PRTG: variants seen among roughly 807,000 people sequenced by gnomAD.
The protein encoded by PRTG is protogenin.
In PRTG, 67 loss-of-function variants were observed where a neutral mutation model predicts 122.5. The observed-to-expected ratio is 0.55, with a 90% CI of 0.45 to 0.67. The LOEUF (loss-of-function observed/expected upper bound fraction) is 0.67, where lower values mean the gene tolerates loss of function less well. Among genes scored for constraint, PRTG ranks in the 30% least tolerant of loss-of-function variants. The pLI is 0.00. For synonymous variants in PRTG, 554 were observed against 501.1 expected, an observed-to-expected ratio of 1.11 and a Z score of -1.41; for missense variants, 1,435 against 1,415.4, an observed-to-expected ratio of 1.01 and a Z score of -0.22.
intron 15 of PRTG, among the ~76,000 whole-genome samples, chr15:55,636,096 G>A (rs971710111): frequency 6.6e-6 from 1 of 151,214 alleles, no homozygotes; most frequent in Admixed American, 6.6e-5. Flanking sequence ...TACTCAGGAG[G>A]CTGAGATTCT....
intron 2 of PRTG, among the ~76,000 whole-genome samples, chr15:55,723,534 A>C (rs1021945168): frequency 4.6e-5 from 7 of 152,094 alleles, no homozygotes; most frequent in African/African-American, 7.2e-5. Flanking sequence ...ATAATGGCTG[A>C]AAATTTTCTG....
chr15:55,642,579 C>CA (rs2059298161), intron 11 of PRTG, among the ~76,000 whole-genome samples: 1 of 106,068 alleles, frequency 9.4e-6, no homozygotes, highest in Non-Finnish European at 1.8e-5. Context: ...GCCTGGGTAA[C>CA]AGAGCAAAAC....
At chr15:55,664,605 CA>C (rs2059428346) in intron 11 of PRTG, among the ~76,000 whole-genome samples, 2 of 151,956 alleles carry the variant, frequency 1.3e-5, no homozygotes, top group Admixed American at 1.3e-4. Flanking sequence ...GTTTTTGAGA[CA>C]GGGTCTCACA....
intron 11 of PRTG, among the ~76,000 whole-genome samples, chr15:55,644,008 G>A (rs1307161726): frequency 2.0e-5 from 3 of 151,878 alleles, no homozygotes; most frequent in Non-Finnish European, 4.4e-5. Context: ...GGGACTGCAG[G>A]CACACACCAC....
chr15:55,690,019 A>G (rs913189550), intron 2 of PRTG, among the ~76,000 whole-genome samples: 1 of 152,194 alleles, frequency 6.6e-6, no homozygotes, highest in African/African-American at 2.4e-5. Context: ...AACCAATCTT[A>G]AATAGTTATA....
chr15:55,704,842 T>G (rs186896973), intron 2 of PRTG, among the ~76,000 whole-genome samples: 29 of 152,338 alleles, frequency 1.9e-4, no homozygotes, highest in African/African-American at 7.0e-4. Context: ...AGGATATATA[T>G]AGACAGACAG....
chr15:55,716,350 T>C (rs1267207817), intron 2 of PRTG, among the ~76,000 whole-genome samples: 2 of 152,240 alleles, frequency 1.3e-5, no homozygotes, highest in Non-Finnish European at 2.9e-5. Context: ...TTGAGCTTTT[T>C]TCAGGATAAA....
chr15:55,717,990 C>T (rs1209233621), intron 2 of PRTG, among the ~76,000 whole-genome samples: 1 of 152,216 alleles, frequency 6.6e-6, no homozygotes, highest in Non-Finnish European at 1.5e-5. Flanking sequence ...GCTCTTTGCT[C>T]CGTGAGAAAG....
At chr15:55,681,847 G>T (rs1482725700) in intron 4 of PRTG, among the ~76,000 whole-genome samples, 1 of 152,060 alleles carries the variant, frequency 6.6e-6, no homozygotes, top group Admixed American at 6.6e-5. Flanking sequence ...TTTTAAAAAC[G>T]AAAGTGAAAT....
chr15:55,627,591 C>T (rs964923922), intron 16 of PRTG, among the ~76,000 whole-genome samples: 3 of 151,044 alleles, frequency 2.0e-5, no homozygotes, highest in South Asian at 2.1e-4. Context: ...CCGCTTGCCT[C>T]GGCCTCCCAA....
intron 2 of PRTG, among the ~76,000 whole-genome samples, chr15:55,717,253 G>C (rs1195339169): frequency 6.6e-6 from 1 of 152,102 alleles, no homozygotes; most frequent in Non-Finnish European, 1.5e-5. Flanking sequence ...TAGACACAGG[G>C]AACCATGTTA....
At chr15:55,668,319 A>C (rs2059449689) in intron 11 of PRTG, among the ~76,000 whole-genome samples, 1 of 152,208 alleles carries the variant, frequency 6.6e-6, no homozygotes, top group African/African-American at 2.4e-5. Flanking sequence ...ATAAAGACTT[A>C]ATAATTCAGA....
intron 2 of PRTG, among the ~76,000 whole-genome samples, chr15:55,694,633 T>G (rs1317074281): frequency 6.6e-6 from 1 of 152,210 alleles, no homozygotes; most frequent in Admixed American, 6.5e-5. Flanking sequence ...TAGCAAGTAT[T>G]TGCTTTTTCA....
In PRTG at chr15:55,619,979, G is replaced by C. The variant is rs1212899723; in HGVS notation, c.*33C>G. 6.2e-7 allele frequency: 1 copy of C among 1,611,108 alleles called. No homozygotes were observed. The highest frequency in any genetic ancestry group is 8.5e-7 in the Non-Finnish European group (1 of 1,178,376). ...AGGGTCTTCACACTTCCTCAATGCG[G>C]AATCTCCACCTGAATCACTGCCAGT... On this transcript the variant is annotated 3_prime_UTR_variant, in exon 20 of 20. Transcript: ENST00000389286.
chr15:55,679,437 A>G lies in PRTG; in HGVS notation c.982T>C (p.Ser328Pro). The G allele has an allele frequency of 6.2e-7, 1 of 1,608,026 alleles. No homozygotes were observed. The highest frequency in any genetic ancestry group is 8.5e-7 in the Non-Finnish European group (1 of 1,176,474). ...MATLTVLAPP[S>P]FVEWPESLTR... ...AAACTTTCTGGCCATTCAACAAATG[A>G]AGGAGGAGCTATTTTTAAAGAAAAA... The change falls in exon 7 of 20, where the codon TCA becomes CCA. Residue 328 changes from serine (S) to proline (P), a missense_variant. Ser to Pro is a moderately conservative substitution (Grantham distance 74, BLOSUM62 -1). Coordinates refer to ENST00000389286, the MANE Select transcript of PRTG (RefSeq NM_173814.6).
rs1168035249 is a variant in PRTG, at chr15:55,612,696, CAATATATATATATATATATATATA to C, written c.*7292_*7315del. Reference sequence around the variant, plus strand: ...ATTCTCTCTTTAACTCTTTAAAAGCCAATATATATATATATATATATATATATATATATATATATATATATATAT... The same window carrying C: ...ATTCTCTCTTTAACTCTTTAAAAGCCTATATATATATATATATATATATAT... On this transcript the variant is annotated 3_prime_UTR_variant, in exon 20 of 20. Coordinates refer to ENST00000389286, the MANE Select transcript of PRTG (RefSeq NM_173814.6). 8 of 90,598 alleles carry C rather than the reference CAATATATATATATATATATATATA, an allele frequency of 8.8e-5. 1 individual carries two copies. Among genetic ancestry groups the C allele is most frequent in the African/African-American group, 4.0e-4 (7 of 17,382 alleles). 5.6% of individuals were successfully genotyped at this position (90,598 alleles called of 1,614,324 possible).
intron 2 of PRTG, chr15:55,738,098 T>C (rs1169496721): frequency 2.6e-5 from 2 of 76,032 alleles, no homozygotes; most frequent in Non-Finnish European, 7.3e-5. Context: ...ATATATTTAC[T>C]CTGAACACAG....
At chr15:55,725,876 ATTC>A (rs1420671116) in intron 2 of PRTG, among the ~76,000 whole-genome samples, 2 of 152,208 alleles carry the variant, frequency 1.3e-5, no homozygotes, top group Admixed American at 6.5e-5. Context: ...GGTTCAAGCA[ATTC>A]TTCTGCCTCA....
chr15:55,709,402 G>A (rs762374695), intron 2 of PRTG, among the ~76,000 whole-genome samples: 43 of 148,310 alleles, frequency 2.9e-4, no homozygotes, highest in African/African-American at 6.9e-4. Context: ...GAGAGAGAGC[G>A]CGTGAGAGAG....
Sources: allele counts gnomAD v4.1 joint callset (sites outside exome capture counted in the v4.1 genomes callset), GRCh38; gene constraint gnomAD v4.1.1; transcripts MANE v1.5; gene names NCBI Gene and HGNC (gene_info 2026-07-23, HGNC 2026-07-21).